The following COL5A1 variants were observed in gnomAD, a reference collection of about 807,000 sequenced individuals.
COL5A1 encodes collagen type V alpha 1 chain, also known as collagen alpha-1(V) chain.
In COL5A1, 16 loss-of-function variants were observed where a neutral mutation model predicts 263.7. The observed-to-expected ratio is 0.06, with a 90% CI of 0.04 to 0.09. COL5A1 has a LOEUF of 0.09. Among genes scored for constraint, COL5A1 ranks in the 10% least tolerant of loss-of-function variants. The pLI, the probability that COL5A1 is intolerant of heterozygous loss-of-function variation, is 1.00. For synonymous variants in COL5A1, 1,012 were observed against 1,004.5 expected (o/e 1.01, Z -0.14); for missense variants, 2,036 against 2,540.5 (o/e 0.80, Z 4.27).
intron 32 of COL5A1, among the ~76,000 whole-genome samples, chr9:134,790,984 C>G (rs1158986450): frequency 6.6e-6 from 1 of 152,154 alleles, no homozygotes; most frequent in African/African-American, 2.4e-5. Context: ...GCAACTGGAG[C>G]CCTTGCTCAC....
Position 134,774,715 on chromosome 9 carries a change from C to G in COL5A1, c.2332-144C>G, listed in dbSNP as rs1048484426. ...TGTGAACACCTGTGCGAGTCTCCCA[C>G]GGGGGGCCTCTCTGGAGGCTCTGAG... On this transcript the variant is annotated intron_variant, in intron 26 of 65. Coordinates refer to ENST00000371817, the MANE Select transcript of COL5A1 (RefSeq NM_000093.5). The G allele has an allele frequency of 1.6e-5, 13 of 807,008 alleles. No homozygotes were observed. In the African/African-American group the frequency reaches 1.7e-4, roughly 11 times the overall value. 50.0% of individuals were successfully genotyped at this position (807,008 alleles called of 1,614,324 possible).
At position 134,789,721 on chromosome 9, in the gene COL5A1, T is replaced by C. The variant is rs965503573; in HGVS notation, c.2700+513T>C. 6.6e-6 allele frequency among the ~76,000 whole-genome samples: 1 copy of C among 152,218 alleles called. No individual in the cohort carries two copies. The highest frequency in any genetic ancestry group is 1.5e-5 in the Non-Finnish European group (1 of 68,036). Reference sequence around the variant, plus strand: ...TGCAGTGTGGTTTGAGTCCCCTTTGTCCTCACCCTCAGCGAAGGAACAGGG... The same window carrying C: ...TGCAGTGTGGTTTGAGTCCCCTTTGCCCTCACCCTCAGCGAAGGAACAGGG... On this transcript the variant is annotated intron_variant, in intron 32 of 65. Coordinates refer to ENST00000371817, the MANE Select transcript of COL5A1 (RefSeq NM_000093.5). This position sits in a 1 kb window ranked among gnomAD's most constrained non-coding sequence, Gnocchi z 4.8.
At chr9:134,708,384 C>G (rs1833913336) in intron 4 of COL5A1, 1 of 363,812 alleles carries the variant, frequency 2.7e-6, no homozygotes, top group Admixed American at 3.7e-5. Context: ...TGCTGCCTGG[C>G]CAGTGCGCCT....
rs1207904916 is a variant in COL5A1 at position 134,676,060 on chromosome 9, T to G, written c.110-14852T>G. 3.9e-5 allele frequency among the ~76,000 whole-genome samples: 6 copies of G among 152,248 alleles called. No individual in the cohort carries two copies. The South Asian group carries it at 1.0e-3, about 26-fold the overall frequency. The stretch of plus-strand genomic sequence containing the variant: ...AAATTTTGTTTTGGCATTTTTTTTT[T>G]GTTAACAAAATTATGCCAGTTGTAT... On this transcript the variant is annotated intron_variant, in intron 1 of 65. Transcript: ENST00000371817.
chr9:134,753,855 C>T lies in COL5A1; in HGVS notation c.1725C>T (p.Pro575=). ...CACACACCATGTCTCCCTAGGGTCC[C>T]CCTGGGAGCGGAGGTTTGAAGGGCG... The part of the protein sequence containing the change: ...GLTGRPGPVG[P]PGSGGLKGEP... The change falls in exon 15 of 66, where the codon CCC becomes CCT. Residue 575 remains proline (P), a synonymous_variant. Transcript: ENST00000371817. 2 of 1,613,512 alleles carry T rather than the reference C, an allele frequency of 1.2e-6. No individual in the cohort carries two copies. The highest frequency in any genetic ancestry group is 8.5e-7 in the Non-Finnish European group (1 of 1,179,780).
In COL5A1 at chr9:134,681,560, C is replaced by G. The variant is rs1438397499; in HGVS notation, c.110-9352C>G. ...CAGCGTGTGCCTGTGGTTTCGGGAG[C>G]CTGTCACTGGCTCCAGAGTGGAATA... is the stretch of plus-strand genomic sequence containing the variant. On this transcript the variant is annotated intron_variant, in intron 1 of 65. Transcript: ENST00000371817. The surrounding 1 kb of genome is among the most constrained non-coding windows in gnomAD (Gnocchi z 4.3). 6.6e-6 allele frequency among the ~76,000 whole-genome samples: 1 copy of G among 152,118 alleles called. No homozygotes were observed.
At chr9:134,715,588 G>A (rs769464342) in intron 4 of COL5A1, among the ~76,000 whole-genome samples, 2 of 152,148 alleles carry the variant, frequency 1.3e-5, no homozygotes, top group East Asian at 1.9e-4. Flanking sequence ...AGAGGTCCCC[G>A]CGGCCTTCTG....
intron 4 of COL5A1, among the ~76,000 whole-genome samples, chr9:134,718,269 T>C (rs1042762700): frequency 3.3e-5 from 5 of 152,238 alleles, no homozygotes; most frequent in African/African-American, 1.2e-4. Context: ...CCGCCAACTG[T>C]GCCGTGGGCA....
At chr9:134,746,481 G>A (rs1311105815) in intron 11 of COL5A1, among the ~76,000 whole-genome samples, 2 of 152,254 alleles carry the variant, frequency 1.3e-5, no homozygotes, top group African/African-American at 4.8e-5. Flanking sequence ...CGAGGGTCTC[G>A]TGGGGACAGT....
chr9:134,658,876 A>G (rs146436324), intron 1 of COL5A1, among the ~76,000 whole-genome samples: 1 of 152,282 alleles, frequency 6.6e-6, no homozygotes, highest in East Asian at 1.9e-4. Flanking sequence ...TTAAGGTAGA[A>G]ATTCACATGA....
intron 46 of COL5A1, 74 bp downstream of exon 46, chr9:134,811,673 T>A: frequency 7.9e-7 from 1 of 1,266,258 alleles, no homozygotes. Context: ...TGCTCTCTCC[T>A]CTTGTCTTTT....
intron 1 of COL5A1, among the ~76,000 whole-genome samples, chr9:134,643,823 G>A (rs1198058591): frequency 6.6e-6 from 1 of 152,164 alleles, no homozygotes; most frequent in Non-Finnish European, 1.5e-5. Flanking sequence ...AAACTCAGGA[G>A]GGAGTCCTTC....
intron 1 of COL5A1, among the ~76,000 whole-genome samples, chr9:134,689,676 T>TA (rs991341219): frequency 3.3e-5 from 5 of 152,148 alleles, no homozygotes; most frequent in African/African-American, 9.7e-5. Flanking sequence ...GGAGCTTCCT[T>TA]ATCCTGGCTG....
At chr9:134,792,218 C>A (rs1837714181) in intron 32 of COL5A1, among the ~76,000 whole-genome samples, 2 of 152,194 alleles carry the variant, frequency 1.3e-5, no homozygotes, top group Admixed American at 1.3e-4. Context: ...TCCTGAGGCA[C>A]TGGGACCTAC....
chr9:134,684,142 C>T (rs2132535826), intron 1 of COL5A1, among the ~76,000 whole-genome samples: 1 of 152,368 alleles, frequency 6.6e-6, no homozygotes, highest in African/African-American at 2.4e-5. Flanking sequence ...CTGAGAGATG[C>T]TCTCCAGCAG....
chr9:134,796,357 T>C lies in COL5A1; in HGVS notation c.2800-17T>C. 1 of 1,613,544 alleles carries C rather than the reference T, an allele frequency of 6.2e-7. No individual in the cohort carries two copies. ...ATAACAATCATAAGCTTTTCCCCCC[T>C]CTCCTTCCCTCTCAAGGGCAACTCC... On this transcript the variant is annotated splice_polypyrimidine_tract_variant and intron_variant, in intron 34 of 65. Transcript: ENST00000371817.
In COL5A1 at chr9:134,842,932, A is replaced by G. The variant is rs150345666; in HGVS notation, c.*629A>G. Reference sequence around the variant, plus strand: ...AAATGTTAAGTGTGCCTGGCTTTCAATCATGCACGGAAACCCAGTCTCAGT... The same window carrying G: ...AAATGTTAAGTGTGCCTGGCTTTCAGTCATGCACGGAAACCCAGTCTCAGT... On this transcript the variant is annotated 3_prime_UTR_variant, in exon 66 of 66. Coordinates refer to ENST00000371817, the MANE Select transcript of COL5A1 (RefSeq NM_000093.5). The surrounding 1 kb of genome is among the most constrained non-coding windows in gnomAD (Gnocchi z 5.8). The G allele has an allele frequency of 8.7e-3, 1,362 of 155,914 alleles. 10 individuals are homozygous for G. The highest frequency in any genetic ancestry group is 0.013 in the Non-Finnish European group (922 of 70,332). 9.7% of individuals were successfully genotyped at this position (155,914 alleles called of 1,614,324 possible).
In COL5A1 at chr9:134,728,490, G is replaced by A. The variant is rs3128595; in HGVS notation, c.787-180G>A. ...TCTCTTGTGCTTCTGATGAGGCTGC[G>A]TCAGCTTTCCAAGGAGCTGGAGAGG... On this transcript the variant is annotated intron_variant, in intron 5 of 65. Coordinates refer to ENST00000371817, the MANE Select transcript of COL5A1 (RefSeq NM_000093.5). Among the ~76,000 whole-genome samples, 60,942 of 152,124 alleles carry A rather than the reference G, an allele frequency of 0.4. 13,420 individuals are homozygous for A. The highest frequency in any genetic ancestry group is 0.57 in the Admixed American group (8,783 of 15,298).
At chr9:134,778,228 C>T (rs1837120925) in intron 27 of COL5A1, among the ~76,000 whole-genome samples, 1 of 152,164 alleles carries the variant, frequency 6.6e-6, no homozygotes, top group Non-Finnish European at 1.5e-5. Context: ...AAGGCATCTG[C>T]TAGGAAAAAA....
Sources: gnomAD v4.1 joint callset for allele counts (sites outside exome capture counted in the v4.1 genomes callset) on GRCh38, gnomAD v4.1.1 for gene constraint, Gnocchi (gnomAD v3.1) non-coding constraint, MANE v1.5 for transcripts, NCBI Gene and HGNC (gene_info 2026-07-23, HGNC 2026-07-21) for gene names.